The following DNAH8 variants were observed in gnomAD, a reference collection of about 807,000 sequenced individuals.
The protein encoded by DNAH8 is dynein axonemal heavy chain 8, also known as axonemal beta dynein heavy chain 8.
DNAH8 carries 382 observed loss-of-function variants against 562.1 expected under a neutral mutation model. That is an observed-to-expected ratio of 0.68 (90% confidence interval 0.63 to 0.74). The LOEUF (loss-of-function observed/expected upper bound fraction) is 0.74, where lower values mean the gene tolerates loss of function less well. DNAH8 is among the 30% of genes least tolerant of loss of function. The pLI is 0.00. For synonymous variants in DNAH8, 1,881 were observed against 1,919.4 expected (o/e 0.98, Z 0.52); for missense variants, 5,203 against 5,620.4 (o/e 0.93, Z 2.37).
intron 57 of DNAH8, among the ~76,000 whole-genome samples, chr6:38,889,131 A>G (rs1023437989): frequency 1.3e-5 from 2 of 152,252 alleles, no homozygotes; most frequent in African/African-American, 4.8e-5. Context: ...CCAGATATTT[A>G]TCACTAGTAA....
intron 28 of DNAH8, among the ~76,000 whole-genome samples, chr6:38,824,966 A>G (rs1350642134): frequency 2.6e-5 from 4 of 152,156 alleles, no homozygotes; most frequent in African/African-American, 7.2e-5. Context: ...AACTGTATCT[A>G]TTATTTTTTA....
At chr6:38,890,955 G>T (rs547021689) in intron 58 of DNAH8, among the ~76,000 whole-genome samples, 194 bp downstream of exon 58, 1 of 152,078 alleles carries the variant, frequency 6.6e-6, no homozygotes. Context: ...GATGCTTTCC[G>T]TATGTATGAG....
rs893960102 is a variant in DNAH8 at position 38,854,042 on chromosome 6, A to G, written c.5733+695A>G. Among the ~76,000 whole-genome samples, 745 of 151,214 alleles carry G rather than the reference A, an allele frequency of 4.9e-3. 5 individuals are homozygous for G. Among genetic ancestry groups the G allele is most frequent in the African/African-American group, 0.017 (710 of 41,446 alleles). On this transcript the variant is annotated intron_variant, in intron 41 of 92. Coordinates refer to ENST00000327475, the MANE Select transcript of DNAH8 (RefSeq NM_001206927.2). ...TAAGTGCACGTGTGTGTGTGTGTAT[A>G]TATATATGTATATATATACACCAAT...
intron 21 of DNAH8, among the ~76,000 whole-genome samples, chr6:38,793,872 A>G (rs1472004700): frequency 2.0e-5 from 3 of 151,982 alleles, no homozygotes; most frequent in Non-Finnish European, 4.4e-5. Context: ...GTTTCTACCA[A>G]CTCTTGCCCA....
chr6:38,767,175 G>A (rs1028174093), intron 11 of DNAH8, among the ~76,000 whole-genome samples: 3 of 151,972 alleles, frequency 2.0e-5, no homozygotes, highest in Non-Finnish European at 2.9e-5. Flanking sequence ...GGTGGCTCAC[G>A]CCTGTAATCC....
intron 5 of DNAH8, 63 bp from the exon 6 acceptor site, chr6:38,737,004 A>G: frequency 8.3e-7 from 1 of 1,198,916 alleles, no homozygotes; most frequent in Admixed American, 2.9e-5. Flanking sequence ...AAAACAGGTT[A>G]TGATTTTTCA....
intron 21 of DNAH8, among the ~76,000 whole-genome samples, chr6:38,796,851 C>A (rs2127665931): frequency 6.6e-6 from 1 of 152,286 alleles, no homozygotes; most frequent in East Asian, 1.9e-4. Flanking sequence ...CCCTCCACAA[C>A]TCGGTGTCTG....
chr6:38,964,629 A>G (rs189008011), intron 82 of DNAH8, among the ~76,000 whole-genome samples: 1 of 152,084 alleles, frequency 6.6e-6, no homozygotes, highest in Admixed American at 6.5e-5. Context: ...AATGTCTTAA[A>G]TATATAAAAA....
chr6:38,773,657 G>A (rs1408397789), intron 12 of DNAH8, among the ~76,000 whole-genome samples: 3 of 152,142 alleles, frequency 2.0e-5, no homozygotes, highest in Non-Finnish European at 4.4e-5. Flanking sequence ...TTGGATAATT[G>A]GTGGATATTG....
intron 91 of DNAH8, among the ~76,000 whole-genome samples, chr6:39,015,049 GGAACA>G (rs1766472187): frequency 6.6e-6 from 1 of 152,096 alleles, no homozygotes; most frequent in Admixed American, 6.5e-5. Context: ...TACAAGACAG[GGAACA>G]TTGGGAGAGG....
chr6:38,954,042 G>A (rs1167620994), intron 82 of DNAH8, among the ~76,000 whole-genome samples: 1 of 152,234 alleles, frequency 6.6e-6, no homozygotes, highest in East Asian at 1.9e-4. Context: ...GGATGGGACA[G>A]AATCAATAAG....
rs1213101466 is a variant in DNAH8, at chr6:38,918,008, G to A, written c.10392G>A (p.Gln3464=). The stretch of plus-strand genomic sequence containing the variant: ...ATGAAGAGACTGTTGAGTTACTACA[G>A]CCATATTTTAATATGGATGATTATA... ...TINEETVELL[Q]PYFNMDDYTF... The change falls in exon 70 of 93, where the codon CAG becomes CAA. Residue 3464 remains glutamine (Q), a synonymous_variant. Transcript: ENST00000327475. The A allele has an allele frequency of 2.5e-6, 4 of 1,613,464 alleles. No individual in the cohort carries two copies. Among genetic ancestry groups the A allele is most frequent in the South Asian group, 1.1e-5 (1 of 91,060 alleles).
chr6:38,988,739 TG>T (rs1439519382), intron 87 of DNAH8, among the ~76,000 whole-genome samples: 1 of 152,204 alleles, frequency 6.6e-6, no homozygotes, highest in Non-Finnish European at 1.5e-5. Flanking sequence ...TTTGCTTATG[TG>T]GCCTCCCCAT....
chr6:38,830,361 A>T (rs955291244), intron 30 of DNAH8, among the ~76,000 whole-genome samples: 1 of 152,074 alleles, frequency 6.6e-6, no homozygotes, highest in Non-Finnish European at 1.5e-5. Context: ...GGGGCCAGGC[A>T]TGGTGGCTCA....
At chr6:38,979,435 T>C (rs1332013) in intron 85 of DNAH8, among the ~76,000 whole-genome samples, 4,700 of 152,324 alleles carry the variant, frequency 0.031, 217 homozygotes, top group Admixed American at 0.14. Flanking sequence ...GCAAAACCCC[T>C]TGCTTTGATC....
At chr6:38,984,354 T>C (rs1561943074) in intron 87 of DNAH8, 47 bp downstream of exon 87, 2 of 1,271,074 alleles carry the variant, frequency 1.6e-6, no homozygotes, top group Admixed American at 1.7e-5. Context: ...TTTCACTGTA[T>C]TTTCCAATTT....
chr6:38,906,492 G>T (rs976695592), intron 63 of DNAH8, 85 bp downstream of exon 63: 2 of 1,141,590 alleles, frequency 1.8e-6, no homozygotes, highest in Admixed American at 2.9e-5. Flanking sequence ...TTTCAAAAAT[G>T]AGGCTATTTA....
intron 82 of DNAH8, among the ~76,000 whole-genome samples, chr6:38,968,070 T>C (rs1191655573): frequency 6.6e-6 from 1 of 152,254 alleles, no homozygotes; most frequent in African/African-American, 2.4e-5. Flanking sequence ...TAACAAATGG[T>C]GCTGGAAGAA....
chr6:38,816,290 T>C (rs1293425319), intron 26 of DNAH8, among the ~76,000 whole-genome samples: 1 of 152,130 alleles, frequency 6.6e-6, no homozygotes, highest in Non-Finnish European at 1.5e-5. Context: ...CCTATGTCAA[T>C]GTGTTCACAT....
Sources: gnomAD v4.1 joint callset for allele counts (sites outside exome capture counted in the v4.1 genomes callset) on GRCh38, gnomAD v4.1.1 for gene constraint, MANE v1.5 for transcripts, NCBI Gene and HGNC (gene_info 2026-07-23, HGNC 2026-07-21) for gene names.